FGD5: variants seen among roughly 807,000 people sequenced by gnomAD.
The protein encoded by FGD5 is FYVE, RhoGEF and PH domain-containing protein 5.
In FGD5, 28 loss-of-function variants were observed where a neutral mutation model predicts 133.4. That is an observed-to-expected ratio of 0.21 (90% CI 0.16 to 0.29). The LOEUF (loss-of-function observed/expected upper bound fraction) is 0.29. Ranked by LOEUF, FGD5 falls within the 10% of genes least tolerant of loss-of-function variation. The probability of loss-of-function intolerance (pLI) is 1.00; values close to 1 mark genes in which losing one functional copy is unlikely to be tolerated. For synonymous variants in FGD5, 810 were observed against 776.5 expected, an observed-to-expected ratio of 1.04 and a Z score of -0.72; for missense variants, 1,858 against 1,895.2, an observed-to-expected ratio of 0.98 and a Z score of 0.36.
intron 18 of FGD5, chr3:14,931,770 C>G (rs1341699977): frequency 6.6e-6 from 1 of 152,132 alleles, no homozygotes; most frequent in East Asian, 1.9e-4. Flanking sequence ...TATTGAAATA[C>G]TGTAAATGAG....
chr3:14,845,023 T>G (rs2037022216), intron 1 of FGD5, among the ~76,000 whole-genome samples: 1 of 152,140 alleles, frequency 6.6e-6, no homozygotes, highest in South Asian at 2.1e-4. Context: ...CAGCTCAGCT[T>G]CTAACTTCTG....
chr3:14,908,638 G>A (rs2038384350), intron 10 of FGD5, among the ~76,000 whole-genome samples: 1 of 152,132 alleles, frequency 6.6e-6, no homozygotes, highest in Admixed American at 6.5e-5. Flanking sequence ...TGTAATCCCA[G>A]CACTTTGGGA....
chr3:14,910,452 G>A (rs999706210), intron 10 of FGD5, among the ~76,000 whole-genome samples: 5 of 152,136 alleles, frequency 3.3e-5, no homozygotes, highest in Non-Finnish European at 7.3e-5. Context: ...TTAGTAAGTT[G>A]CCCAGGCTGG....
chr3:14,896,104 A>G (rs577458666), intron 4 of FGD5, among the ~76,000 whole-genome samples: 2 of 152,362 alleles, frequency 1.3e-5, no homozygotes, highest in South Asian at 4.1e-4. Context: ...TACAAGGAAA[A>G]CCATAAAACA....
At chr3:14,925,759 G>A (rs1459306742) in intron 17 of FGD5, among the ~76,000 whole-genome samples, 2 of 152,182 alleles carry the variant, frequency 1.3e-5, no homozygotes, top group Non-Finnish European at 2.9e-5. Context: ...AGAACCTTTC[G>A]CCGAAGTACC....
intron 1 of FGD5, among the ~76,000 whole-genome samples, chr3:14,812,030 G>A (rs368786911): frequency 3.0e-5 from 3 of 98,630 alleles, no homozygotes; most frequent in Admixed American, 1.1e-4. Flanking sequence ...GTGTGTGTGT[G>A]TATGTATGTG....
At chr3:14,923,011 G>A (rs751376470) in intron 15 of FGD5, 35 bp from the exon 16 acceptor site, 1 of 1,613,446 alleles carries the variant, frequency 6.2e-7, no homozygotes, top group Admixed American at 1.7e-5. Flanking sequence ...TGCATGCACT[G>A]AGAGGGGTGA....
At chr3:14,904,408 T>C (rs952865501) in intron 9 of FGD5, among the ~76,000 whole-genome samples, 1 of 152,232 alleles carries the variant, frequency 6.6e-6, no homozygotes, top group Non-Finnish European at 1.5e-5. Context: ...CTTCCTTATT[T>C]ATTTTATTTC....
intron 6 of FGD5, 29 bp downstream of exon 6, chr3:14,898,124 C>A: frequency 6.2e-7 from 1 of 1,613,236 alleles, no homozygotes; most frequent in Non-Finnish European, 8.5e-7. Context: ...TGAGACCCTG[C>A]TGTAAGGATG....
intron 4 of FGD5, among the ~76,000 whole-genome samples, chr3:14,885,982 G>A (rs2037918523): frequency 6.6e-6 from 1 of 152,206 alleles, no homozygotes; most frequent in South Asian, 2.1e-4. Context: ...GTGTTTGACT[G>A]CTAGTAACAA....
At chr3:14,834,735 G>A (rs933501878) in intron 1 of FGD5, among the ~76,000 whole-genome samples, 1 of 152,132 alleles carries the variant, frequency 6.6e-6, no homozygotes, top group African/African-American at 2.4e-5. Flanking sequence ...TTCATTTTTT[G>A]TTCTGTAGAG....
intron 1 of FGD5, among the ~76,000 whole-genome samples, chr3:14,853,636 C>CTTTTTTTTTTTTT (rs34008934): frequency 5.4e-4 from 20 of 37,130 alleles, no homozygotes; most frequent in East Asian, 2.5e-3. Context: ...AAAAGCGTTC[C>CTTTTTTTTTTTTT]TTTTTTTTTT....
rs137900496 is a variant in FGD5, at chr3:14,912,191, TGGA to T, written c.3405+1264_3405+1266del. 2.7e-3 allele frequency among the ~76,000 whole-genome samples: 409 copies of T among 152,238 alleles called. 1 individual carries two copies. The highest frequency in any genetic ancestry group is 9.4e-3 in the African/African-American group (391 of 41,550). ...TTCCAGAGAGAGCTGGTGGTGCTGG[TGGA>T]GAAATCCTGAGCCTGGGCAGAAGTG... On this transcript the variant is annotated intron_variant, in intron 11 of 19. Coordinates refer to ENST00000285046, the MANE Select transcript of FGD5 (RefSeq NM_152536.4).
intron 1 of FGD5, among the ~76,000 whole-genome samples, chr3:14,854,389 T>TTCTA (rs2037230274): frequency 2.9e-5 from 4 of 137,612 alleles, no homozygotes; most frequent in African/African-American, 8.3e-5. Context: ...TTTCTTTTCT[T>TTCTA]TTTATTTATT....
At position 14,881,645 on chromosome 3, in the gene FGD5, G is replaced by C. The variant is rs149818259; in HGVS notation, c.2748+873G>C. ...CTCTCTCTGGGCCATTTGCACTCTT[G>C]CCATGGTTGAGCACTGGGTTCTATG... is the stretch of plus-strand genomic sequence containing the variant. On this transcript the variant is annotated intron_variant, in intron 4 of 19. Coordinates refer to ENST00000285046, the MANE Select transcript of FGD5 (RefSeq NM_152536.4). Among the ~76,000 whole-genome samples, 325 of 152,356 alleles carry C rather than the reference G, an allele frequency of 2.1e-3. 1 individual carries two copies. Among genetic ancestry groups the C allele is most frequent in the African/African-American group, 7.4e-3 (308 of 41,588 alleles).
At chr3:14,830,602 A>G (rs1353292337) in intron 1 of FGD5, among the ~76,000 whole-genome samples, 1 of 152,204 alleles carries the variant, frequency 6.6e-6, no homozygotes, top group Non-Finnish European at 1.5e-5. Flanking sequence ...AGAGAGTCTT[A>G]TTGTTGGAGT....
At chr3:14,923,864 A>C in intron 16 of FGD5, 144 bp from the exon 17 acceptor site, 1 of 1,007,750 alleles carries the variant, frequency 9.9e-7, no homozygotes, top group Non-Finnish European at 1.4e-6. Context: ...TGCAGGAGGG[A>C]GGGAGGAAGA....
At chr3:14,911,801 A>T (rs1278779767) in intron 11 of FGD5, among the ~76,000 whole-genome samples, 1 of 148,602 alleles carries the variant, frequency 6.7e-6, no homozygotes, top group Non-Finnish European at 1.5e-5. Flanking sequence ...CCGTGGAAGC[A>T]AAGAGGACTA....
intron 1 of FGD5, among the ~76,000 whole-genome samples, chr3:14,831,190 G>A (rs756930601): frequency 1.1e-4 from 16 of 152,184 alleles, no homozygotes; most frequent in Non-Finnish European, 2.4e-4. Context: ...GCCAGTGTGG[G>A]TGGAGTGCAG....
Sources: gnomAD v4.1 joint callset for allele counts (sites outside exome capture counted in the v4.1 genomes callset) on GRCh38, gnomAD v4.1.1 for gene constraint, MANE v1.5 for transcripts, NCBI Gene and HGNC (gene_info 2026-07-23, HGNC 2026-07-21) for gene names.